EPHA6: variants seen among roughly 807,000 people sequenced by gnomAD.
EPHA6 encodes EPH receptor A6.
EPHA6 carries 50 observed loss-of-function variants against 112.0 expected under a neutral mutation model. The observed-to-expected ratio is 0.45, with a 90% CI of 0.36 to 0.56. The LOEUF is 0.56. Ranked by LOEUF, EPHA6 falls within the 20% of genes least tolerant of loss-of-function variation. EPHA6 has a pLI of 0.00. For missense variants in EPHA6, 1,280 were observed against 1,417.4 expected, an observed-to-expected ratio of 0.90 and a Z score of 1.56; for synonymous variants, 529 against 490.7, an observed-to-expected ratio of 1.08 and a Z score of -1.03.
intron 1 of EPHA6, among the ~76,000 whole-genome samples, chr3:96,842,670 C>T (rs1320519536): frequency 6.6e-6 from 1 of 152,000 alleles, no homozygotes; most frequent in Non-Finnish European, 1.5e-5. Flanking sequence ...GGGTTAATTA[C>T]ACTTTAACTG....
At chr3:97,488,809 A>G (rs947045429) in intron 10 of EPHA6, among the ~76,000 whole-genome samples, 1 of 152,178 alleles carries the variant, frequency 6.6e-6, no homozygotes, top group African/African-American at 2.4e-5. Context: ...TATTCTTGAA[A>G]ACTTTGCATG....
At chr3:97,508,739 C>T (rs1242916226) in intron 10 of EPHA6, among the ~76,000 whole-genome samples, 1 of 152,012 alleles carries the variant, frequency 6.6e-6, no homozygotes, top group Non-Finnish European at 1.5e-5. Flanking sequence ...ATTGATTTGT[C>T]TAACATTGAC....
intron 3 of EPHA6, among the ~76,000 whole-genome samples, chr3:96,989,845 C>T (rs1395290341): frequency 6.6e-6 from 1 of 152,090 alleles, no homozygotes; most frequent in Non-Finnish European, 1.5e-5. Flanking sequence ...CCACCAGGCC[C>T]CTCCTCCAGA....
chr3:97,539,066 C>CCCTTCCTT lies in EPHA6; in HGVS notation c.2386+6556_2386+6563dup, dbSNP rs747004303. On this transcript the variant is annotated intron_variant, in intron 11 of 17. Coordinates refer to ENST00000389672, the MANE Select transcript of EPHA6 (RefSeq NM_001080448.3). ...TTCTTTCTTTCTTTTTCTCTTTCTT[C>CCCTTCCTT]CCTTCCTTCCTTCCTTCCTTCCTTC... Among the ~76,000 whole-genome samples the CCCTTCCTT allele has an allele frequency of 2.0e-3, 252 of 124,060 alleles. 1 individual carries two copies. The highest frequency in any genetic ancestry group is 0.017 in the East Asian group (73 of 4,318). The allele number at this position is 124,060 out of a possible 152,430, so 81.4% of individuals were successfully genotyped here. A position where few individuals can be genotyped will look rare whatever the true frequency, so the allele number is the denominator to read the frequency against.
intron 1 of EPHA6, among the ~76,000 whole-genome samples, chr3:96,836,996 A>C (rs1273202393): frequency 6.6e-6 from 1 of 152,078 alleles, no homozygotes; most frequent in Non-Finnish European, 1.5e-5. Flanking sequence ...ACCCGAAAAC[A>C]CTCAGATAGG....
chr3:96,914,453 C>G (rs546052861), intron 2 of EPHA6, among the ~76,000 whole-genome samples: 10 of 152,054 alleles, frequency 6.6e-5, no homozygotes, highest in Non-Finnish European at 1.2e-4. Flanking sequence ...ATAAAAGCAC[C>G]TGCATTCAAA....
At chr3:96,840,554 C>G (rs1405316802) in intron 1 of EPHA6, among the ~76,000 whole-genome samples, 1 of 151,862 alleles carries the variant, frequency 6.6e-6, no homozygotes, top group Non-Finnish European at 1.5e-5. Flanking sequence ...GAGATCTGAG[C>G]AAAAGATGAG....
intron 3 of EPHA6, among the ~76,000 whole-genome samples, chr3:96,990,366 G>A (rs200791425): frequency 6.6e-6 from 1 of 151,282 alleles, no homozygotes; most frequent in African/African-American, 2.4e-5. Context: ...TTTATGGCTT[G>A]TTATCTTTAT....
intron 14 of EPHA6, among the ~76,000 whole-genome samples, chr3:97,689,221 T>C (rs757932734): frequency 6.6e-6 from 1 of 152,204 alleles, no homozygotes; most frequent in Non-Finnish European, 1.5e-5. Flanking sequence ...ACTTCGATGT[T>C]CATATTAGAG....
chr3:96,941,210 A>G (rs1223159821), intron 2 of EPHA6, among the ~76,000 whole-genome samples: 9 of 152,042 alleles, frequency 5.9e-5, no homozygotes. Context: ...ACTTGGTTCC[A>G]TTCTCCCCGT....
At chr3:97,701,635 A>C (rs2033397173) in intron 14 of EPHA6, among the ~76,000 whole-genome samples, 1 of 151,220 alleles carries the variant, frequency 6.6e-6, no homozygotes, top group Admixed American at 6.6e-5. Context: ...TATATATATA[A>C]TATCATTTCA....
chr3:97,078,859 G>A (rs1203139429), intron 3 of EPHA6, among the ~76,000 whole-genome samples: 1 of 152,070 alleles, frequency 6.6e-6, no homozygotes, highest in East Asian at 1.9e-4. Flanking sequence ...CTACTGGTGA[G>A]GATGCTGTGA....
chr3:97,508,295 C>A (rs2092295883), intron 10 of EPHA6, among the ~76,000 whole-genome samples: 2 of 152,130 alleles, frequency 1.3e-5, no homozygotes, highest in South Asian at 4.1e-4. Flanking sequence ...CTCCTGTGGG[C>A]ATTTAGTGCT....
At chr3:97,530,393 C>T (rs960706993) in intron 10 of EPHA6, among the ~76,000 whole-genome samples, 17 of 151,916 alleles carry the variant, frequency 1.1e-4, no homozygotes, top group South Asian at 6.2e-4. Flanking sequence ...AATAACTTAG[C>T]GCAGATACCA....
chr3:97,389,756 CA>C (rs2086292041), intron 5 of EPHA6, among the ~76,000 whole-genome samples: 1 of 152,056 alleles, frequency 6.6e-6, no homozygotes, highest in Admixed American at 6.6e-5. Context: ...TAATAATTAG[CA>C]CATTTTTGGT....
intron 5 of EPHA6, among the ~76,000 whole-genome samples, chr3:97,325,378 G>A (rs1396799985): frequency 6.6e-6 from 1 of 152,004 alleles, no homozygotes; most frequent in Non-Finnish European, 1.5e-5. Context: ...TCTTTTCTCT[G>A]TGTGTGCACA....
chr3:97,164,421 C>T (rs1424924889), intron 3 of EPHA6, among the ~76,000 whole-genome samples: 1 of 152,018 alleles, frequency 6.6e-6, no homozygotes, highest in African/African-American at 2.4e-5. Context: ...CATTTTATTT[C>T]TTACGTGTTT....
At chr3:97,363,448 G>A (rs1347629302) in intron 5 of EPHA6, among the ~76,000 whole-genome samples, 22 of 150,564 alleles carry the variant, frequency 1.5e-4, no homozygotes, top group Admixed American at 1.3e-3. Context: ...AAAAGAATTG[G>A]GTAGGTTAAT....
intron 2 of EPHA6, among the ~76,000 whole-genome samples, chr3:96,918,288 A>T (rs1482675758): frequency 6.6e-6 from 1 of 152,178 alleles, no homozygotes; most frequent in Non-Finnish European, 1.5e-5. Flanking sequence ...AATGGATAAA[A>T]TTATATTCTA....
Sources: allele counts gnomAD v4.1 joint callset (sites outside exome capture counted in the v4.1 genomes callset), GRCh38; gene constraint gnomAD v4.1.1; transcripts MANE v1.5; gene names NCBI Gene and HGNC (gene_info 2026-07-23, HGNC 2026-07-21).